Variants in KIDINS220 observed in about 807,000 individuals in gnomAD.
The protein encoded by KIDINS220 is kinase D interacting substrate 220.
KIDINS220 carries 63 observed loss-of-function variants against 157.6 expected under a neutral mutation model. The observed-to-expected ratio is 0.40, with a 90% CI of 0.33 to 0.49. The LOEUF (loss-of-function observed/expected upper bound fraction) is 0.49. Among genes scored for constraint, KIDINS220 ranks in the 20% least tolerant of loss-of-function variants. KIDINS220 has a pLI of 0.66. For synonymous variants in KIDINS220, 732 were observed against 783.6 expected, an observed-to-expected ratio of 0.93 and a Z score of 1.10; for missense variants, 1,772 against 2,171.2, an observed-to-expected ratio of 0.82 and a Z score of 3.65.
chr2:8,776,980 C>CA lies in KIDINS220; in HGVS notation c.2704-89dup, dbSNP rs570854719. 6,002 of 1,234,716 alleles carry CA rather than the reference C, an allele frequency of 4.9e-3. 4 individuals are homozygous for CA. Among genetic ancestry groups the CA allele is most frequent in the South Asian group, 0.011 (610 of 55,874 alleles). The allele number at this position is 1,234,716 out of a possible 1,614,324, so 76.5% of individuals were successfully genotyped here. On this transcript the variant is annotated intron_variant, in intron 20 of 29. Transcript: ENST00000256707. ...TTGAGATGTTAATAAATGTTTATAA[C>CA]AAAAAAAAAATCCAAAGTTTTAGTC...
chr2:8,775,018 C>A (rs1670775472), intron 21 of KIDINS220, among the ~76,000 whole-genome samples: 1 of 152,008 alleles, frequency 6.6e-6, no homozygotes, highest in South Asian at 2.1e-4. Flanking sequence ...GCGAACAGTG[C>A]TCATCTTCTG....
In KIDINS220 at chr2:8,736,959, G is replaced by GAATTCAGTA. The variant is rs765065787; in HGVS notation, c.3617_3625dup (p.Leu1206_Asn1208dup). On this transcript the variant is annotated inframe_insertion, in exon 27 of 30. Coordinates refer to ENST00000256707, the MANE Select transcript of KIDINS220 (RefSeq NM_020738.4). ...CTCACATACTGCATCCACATTCAGT[G>GAATTCAGTA]AATTCAGTAATACCACTGGGCCTGG... 1.9e-6 allele frequency: 3 copies of GAATTCAGTA among 1,614,136 alleles called. No homozygotes were observed. The South Asian group carries it at 3.3e-5, about 18-fold the overall frequency.
intron 22 of KIDINS220, among the ~76,000 whole-genome samples, chr2:8,755,974 G>C (rs1167805492): frequency 6.6e-6 from 1 of 152,128 alleles, no homozygotes; most frequent in Non-Finnish European, 1.5e-5. Flanking sequence ...TCTTGCAATT[G>C]CATATGAACT....
chr2:8,774,295 C>CA (rs547340055), intron 21 of KIDINS220, among the ~76,000 whole-genome samples: 668 of 56,404 alleles, frequency 0.012, 12 homozygotes, highest in Admixed American at 0.073. Context: ...GACTCTGTCT[C>CA]AAAAAAAAAA....
downstream of KIDINS220, chr2:8,723,239 T>C (rs560858260): frequency 1.3e-5 from 2 of 152,382 alleles, no homozygotes; most frequent in Non-Finnish European, 2.9e-5. Context: ...GTGAAGTCTG[T>C]GGACGGGGAA....
In KIDINS220 at chr2:8,796,956, G is replaced by T. The variant is rs1674036930; in HGVS notation, c.1000-87C>A. The T allele has an allele frequency of 7.3e-6, 7 of 960,684 alleles. No homozygotes were observed. In the South Asian group the frequency reaches 7.9e-5, roughly 11 times the overall value. 59.5% of individuals were successfully genotyped at this position (960,684 alleles called of 1,614,324 possible). On this transcript the variant is annotated intron_variant, in intron 10 of 29. Transcript: ENST00000256707. ...CAAATGCACATGTCAAGAAATATCT[G>T]ACTCTGGTAACAGCCTATATTTAAA...
At chr2:8,794,853 G>A (rs1223755375) in intron 11 of KIDINS220, among the ~76,000 whole-genome samples, 2 of 152,068 alleles carry the variant, frequency 1.3e-5, no homozygotes, top group African/African-American at 4.8e-5. Flanking sequence ...TCCAAGGCAC[G>A]ACCTTATCTT....
rs1270892014 is a variant in KIDINS220, at chr2:8,728,942, TTTA to T, written c.*1775_*1777del. ...CATGAGTCAGAATAGCATGCAATTT[TTTA>T]TTGTTTTCTAAATCTATTTGTACAC... On this transcript the variant is annotated 3_prime_UTR_variant, in exon 30 of 30. Transcript: ENST00000256707. 10 of 978,918 alleles carry T rather than the reference TTTA, an allele frequency of 1.0e-5. No homozygotes were observed. Among genetic ancestry groups the T allele is most frequent in the Non-Finnish European group, 1.1e-5 (9 of 823,564 alleles). 60.6% of individuals were successfully genotyped at this position (978,918 alleles called of 1,614,324 possible). A position where few individuals can be genotyped will look rare whatever the true frequency, so the allele number is the denominator to read the frequency against.
downstream of KIDINS220, chr2:8,727,206 GC>G (rs1663406972): frequency 3.5e-6 from 4 of 1,129,000 alleles, no homozygotes; most frequent in Non-Finnish European, 4.4e-6. Context: ...TGCTCATGCT[GC>G]CCCCGCAAAA....
Position 8,786,248 on chromosome 2 carries a change from C to A in KIDINS220, c.1897G>T (p.Ala633Ser), listed in dbSNP as rs1243753171. ...TTGAATACTCGAAAAAGCCTGGTTG[C>A]CAAAAAGCCAAACTCTCTTTCACAA... is the stretch of plus-strand genomic sequence containing the variant. ...DACEREFGFLATRLFRVFKTE... is the reference protein window; with the variant it reads ...DACEREFGFLSTRLFRVFKTE... Residue 633 changes from alanine to serine, a missense_variant, in exon 16 of 30, where the codon GCA (alanine) becomes TCA (serine). Physicochemically the swap from Ala to Ser is moderately conservative, Grantham distance 99. This residue lies in a region of KIDINS220 where 725 missense variants were observed against 1,017.1 expected (regional missense o/e 0.71). Coordinates refer to ENST00000256707, the MANE Select transcript of KIDINS220 (RefSeq NM_020738.4). 1 of 1,613,972 alleles carries A rather than the reference C, an allele frequency of 6.2e-7. No individual in the cohort carries two copies. The highest frequency in any genetic ancestry group is 1.1e-5 in the South Asian group (1 of 91,082).
intron 26 of KIDINS220, among the ~76,000 whole-genome samples, chr2:8,743,519 GGTAAA>G (rs1002608539): frequency 1.3e-5 from 2 of 152,228 alleles, no homozygotes; most frequent in East Asian, 1.9e-4. Context: ...GAATCAGAGG[GGTAAA>G]GTAATCTGTC....
chr2:8,803,182 A>C (rs1674964447), intron 7 of KIDINS220, 55 bp from the exon 8 acceptor site: 1 of 1,333,474 alleles, frequency 7.5e-7, no homozygotes, highest in African/African-American at 1.5e-5. Context: ...AAATTAATGT[A>C]TTCTAGAAAA....
intron 22 of KIDINS220, among the ~76,000 whole-genome samples, chr2:8,762,994 CAACAG>C (rs993805179): frequency 1.3e-5 from 2 of 152,100 alleles, no homozygotes; most frequent in Non-Finnish European, 2.9e-5. Context: ...TCGCGTTTTT[CAACAG>C]AAAAGATAAA....
In KIDINS220 at chr2:8,770,677, A is replaced by T; in HGVS notation, c.3004T>A (p.Tyr1002Asn). Residue 1002 changes from tyrosine to asparagine, a missense_variant, in exon 22 of 30, where the codon TAC becomes AAC. By Grantham distance (143) the Tyr-to-Asn change is moderately radical (BLOSUM62 -2). This residue lies in a region of KIDINS220 where 725 missense variants were observed against 1,017.1 expected (regional missense o/e 0.71). Transcript: ENST00000256707. Reference sequence around the variant, plus strand: ...AGAGGTCACAAAAGGTACCTTTCGTAGATGGTTTTTAATGTCATTTGATCT... The same window carrying T: ...AGAGGTCACAAAAGGTACCTTTCGTTGATGGTTTTTAATGTCATTTGATCT... The part of the protein sequence containing the change: ...IPDQMTLKTI[Y>N]ERISKNIPTT... 1 of 1,588,120 alleles carries T rather than the reference A, an allele frequency of 6.3e-7. No individual in the cohort carries two copies. Among genetic ancestry groups the T allele is most frequent in the Non-Finnish European group, 8.6e-7 (1 of 1,166,888 alleles).
chr2:8,721,458 G>A (rs1257745396), downstream of KIDINS220: 1 of 152,204 alleles, frequency 6.6e-6, no homozygotes, highest in African/African-American at 2.4e-5. Context: ...GATGTCTGAT[G>A]TTAATAAAAC....
intron 13 of KIDINS220, 116 bp downstream of exon 13, chr2:8,790,944 G>A (rs531284376): frequency 3.4e-6 from 3 of 877,920 alleles, no homozygotes; most frequent in South Asian, 2.3e-5. Context: ...GTTCATCTCA[G>A]TAAACCACAT....
chr2:8,807,145 G>A (rs115579473), intron 6 of KIDINS220, among the ~76,000 whole-genome samples: 2,297 of 152,272 alleles, frequency 0.015, 57 homozygotes, highest in African/African-American at 0.053. Context: ...GAGGCCCTAA[G>A]AGGTTAATTC....
chr2:8,818,763 C>T lies in KIDINS220; in HGVS notation c.139G>A (p.Glu47Lys). The T allele has an allele frequency of 3.1e-6, 5 of 1,609,968 alleles. No homozygotes were observed. Among genetic ancestry groups the T allele is most frequent in the Middle Eastern group, 1.7e-4 (1 of 6,048 alleles). ...TTCACTATTTCCAGATTGCCTTGTTCGGCAGCTATCATCAGTGGAGTCTGG... is the reference window on the plus strand; with the variant it reads ...TTCACTATTTCCAGATTGCCTTGTTTGGCAGCTATCATCAGTGGAGTCTGG... The part of the protein sequence containing the change: ...CGQTPLMIAA[E>K]QGNLEIVKEL... Residue 47 changes from glutamate (E) to lysine (K), a missense_variant, in exon 3 of 30, where the codon GAA becomes AAA. Transcript: ENST00000256707.
At chr2:8,831,370 TG>T (rs1241886608) in intron 1 of KIDINS220, among the ~76,000 whole-genome samples, 3 of 136,472 alleles carry the variant, frequency 2.2e-5, no homozygotes, top group Non-Finnish European at 4.7e-5. Flanking sequence ...CCAGCCAGAC[TG>T]ATCTACTTGC....
Sources: allele counts gnomAD v4.1 joint callset (sites outside exome capture counted in the v4.1 genomes callset), GRCh38; gene constraint gnomAD v4.1.1; regional missense constraint gnomAD v4.1.1; transcripts MANE v1.5; gene names NCBI Gene and HGNC (gene_info 2026-07-23, HGNC 2026-07-21).